FPR2: variants seen among roughly 807,000 people sequenced by gnomAD.
FPR2 encodes formyl peptide receptor 2.
Under a neutral mutation model 4.0 loss-of-function variants are expected in FPR2, and 3 were observed. The ratio of observed to expected loss-of-function variants is 0.74; its 90% CI spans 0.34 to 1.92. The LOEUF is 1.92. FPR2 is among the 30% of genes most tolerant of loss of function. The pLI, the probability that FPR2 is intolerant of heterozygous loss-of-function variation, is 0.07. For missense variants in FPR2, 372 were observed against 435.7 expected, an observed-to-expected ratio of 0.85 and a Z score of 1.30; for synonymous variants, 179 against 171.5, an observed-to-expected ratio of 1.04 and a Z score of -0.34.
At chr19:51,767,111 T>G (rs2083872540) in intron 1 of FPR2, among the ~76,000 whole-genome samples, 3 of 152,334 alleles carry the variant, frequency 2.0e-5, no homozygotes, top group Non-Finnish European at 1.5e-5. Context: ...GGCCCCAGTG[T>G]TCCCCTCTTT....
chr19:51,767,907 A>G (rs375285023), intron 1 of FPR2, among the ~76,000 whole-genome samples: 1 of 152,170 alleles, frequency 6.6e-6, no homozygotes, highest in Non-Finnish European at 1.5e-5. Context: ...TTATTCTTAT[A>G]GTCTTTATCC....
chr19:51,768,958 A>C lies in FPR2; in HGVS notation c.300A>C (p.Leu100Phe). The change falls in exon 2 of 2, where the codon TTA becomes TTC. Residue 100 changes from leucine (L) to phenylalanine (F), a missense_variant. By Grantham distance (22) the Leu-to-Phe change is conservative. Coordinates refer to ENST00000340023, the MANE Select transcript of FPR2 (RefSeq NM_001005738.2). ...KWPFGWFLCK[L>F]IHIVVDINLF... ...CTTTTGGCTGGTTCCTGTGTAAGTTAATTCACATCGTGGTGGACATCAACC... is the reference window on the plus strand; with the variant it reads ...CTTTTGGCTGGTTCCTGTGTAAGTTCATTCACATCGTGGTGGACATCAACC... 6.2e-7 allele frequency: 1 copy of C among 1,614,116 alleles called. No individual in the cohort carries two copies. The highest frequency in any genetic ancestry group is 1.1e-5 in the South Asian group (1 of 91,076).
chr19:51,768,558 C>T (rs75508500), intron 1 of FPR2, 87 bp from the exon 2 acceptor site: 1 of 1,069,792 alleles, frequency 9.3e-7, no homozygotes, highest in Non-Finnish European at 1.3e-6. Context: ...GGAGTGGGAG[C>T]TTTAGTGGAA....
intron 1 of FPR2, among the ~76,000 whole-genome samples, chr19:51,767,215 G>T (rs2083873070): frequency 6.6e-6 from 1 of 152,132 alleles, no homozygotes; most frequent in South Asian, 2.1e-4. Context: ...TAAGGATAAT[G>T]AATACAATTT....
Position 51,769,613 on chromosome 19 carries a change from A to G in FPR2, c.955A>G (p.Thr319Ala). The G allele has an allele frequency of 6.2e-7, 1 of 1,614,112 alleles. No homozygotes were observed. Among genetic ancestry groups the G allele is most frequent in the Non-Finnish European group, 8.5e-7 (1 of 1,180,004 alleles). The change falls in exon 2 of 2, where the codon ACC (threonine) becomes GCC (alanine). Residue 319 changes from threonine to alanine, a missense_variant. By Grantham distance (58) the Thr-to-Ala change is moderately conservative. Coordinates refer to ENST00000340023, the MANE Select transcript of FPR2 (RefSeq NM_001005738.2). This position sits in a 1 kb window ranked among gnomAD's most constrained non-coding sequence, Gnocchi z 4.4. ...AGAGAGACTGATCCACTCCCTGCCCACCAGTCTGGAGAGGGCCCTGTCTGA... is the reference window on the plus strand; with the variant it reads ...AGAGAGACTGATCCACTCCCTGCCCGCCAGTCTGGAGAGGGCCCTGTCTGA... ...FRERLIHSLP[T>A]SLERALSEDS...
intron 1 of FPR2, among the ~76,000 whole-genome samples, chr19:51,766,073 C>T (rs1212527915): frequency 6.6e-6 from 1 of 152,184 alleles, no homozygotes; most frequent in South Asian, 2.1e-4. Flanking sequence ...GTGCATGCCA[C>T]CAGGCCCGGC....
intron 1 of FPR2, among the ~76,000 whole-genome samples, chr19:51,766,905 A>G (rs896209125): frequency 5.3e-5 from 8 of 152,254 alleles, no homozygotes; most frequent in African/African-American, 1.9e-4. Context: ...TACAGATTCT[A>G]GAATGAGATT....
rs1314818160 is a variant in FPR2 at position 51,768,707 on chromosome 19, T to C, written c.49T>C (p.Tyr17His). The stretch of plus-strand genomic sequence containing the variant: ...TCTGAATGAATATGAAGAAGTGTCC[T>C]ATGAGTCTGCTGGCTACACTGTTCT... ...TPLNEYEEVS[Y>H]ESAGYTVLRI... Residue 17 changes from tyrosine (Y) to histidine (H), a missense_variant, in exon 2 of 2, where the codon TAT becomes CAT. By Grantham distance (83) the Tyr-to-His change is moderately conservative (BLOSUM62 2). Coordinates refer to ENST00000340023, the MANE Select transcript of FPR2 (RefSeq NM_001005738.2). 6.2e-7 allele frequency: 1 copy of C among 1,613,936 alleles called. No homozygotes were observed. The highest frequency in any genetic ancestry group is 2.2e-5 in the East Asian group (1 of 44,872).
At chr19:51,768,463 C>T (rs2083879718) in intron 1 of FPR2, 182 bp from the exon 2 acceptor site, 1 of 586,058 alleles carries the variant, frequency 1.7e-6, no homozygotes, top group Non-Finnish European at 3.0e-6. Context: ...GAGGACTATC[C>T]CTTCCCAAAG....
intron 1 of FPR2, chr19:51,763,131 T>C (rs935579338): frequency 6.6e-6 from 1 of 152,090 alleles, no homozygotes; most frequent in Non-Finnish European, 1.5e-5. Flanking sequence ...ATAGTTTAGA[T>C]GAAAAGAGAG....
chr19:51,764,973 C>T (rs906129716), intron 1 of FPR2, among the ~76,000 whole-genome samples: 1 of 152,054 alleles, frequency 6.6e-6, no homozygotes, highest in Non-Finnish European at 1.5e-5. Context: ...ATTACAGGCA[C>T]CCACCACCAT....
chr19:51,763,753 TTTG>T (rs1376523972), intron 1 of FPR2, among the ~76,000 whole-genome samples: 4 of 152,054 alleles, frequency 2.6e-5, no homozygotes, highest in African/African-American at 9.7e-5. Context: ...TTTGTTTAGT[TTTG>T]TTGTTGTTTG....
Position 51,769,483 on chromosome 19 carries a change from C to T in FPR2, c.825C>T (p.Gly275=). 6.2e-7 allele frequency: 1 copy of T among 1,614,184 alleles called. No individual in the cohort carries two copies. The highest frequency in any genetic ancestry group is 8.5e-7 in the Non-Finnish European group (1 of 1,180,024). ...GGCTCAAAGAGATGTTGTTCTATGG[C>T]AAGTACAAAATCATTGACATCCTGG... ...TVWLKEMLFY[G]KYKIIDILVN... is the part of the protein sequence containing the mutation. The change falls in exon 2 of 2, where the codon GGC becomes GGT. Residue 275 remains glycine (G), a synonymous_variant. Coordinates refer to ENST00000340023, the MANE Select transcript of FPR2 (RefSeq NM_001005738.2). The surrounding 1 kb of genome is among the most constrained non-coding windows in gnomAD (Gnocchi z 4.4).
At chr19:51,766,039 C>T (rs2083866531) in intron 1 of FPR2, among the ~76,000 whole-genome samples, 1 of 152,208 alleles carries the variant, frequency 6.6e-6, no homozygotes, top group Admixed American at 6.5e-5. Flanking sequence ...CCTGCCTCAG[C>T]CTCCCGAGTA....
chr19:51,764,177 A>C (rs984415244), intron 1 of FPR2, among the ~76,000 whole-genome samples: 2 of 152,204 alleles, frequency 1.3e-5, no homozygotes, highest in African/African-American at 4.8e-5. Flanking sequence ...ATGGAAGGAC[A>C]AATGCAGGGG....
At chr19:51,763,662 G>T (rs2122354387) in intron 1 of FPR2, 1 of 152,262 alleles carries the variant, frequency 6.6e-6, no homozygotes, top group African/African-American at 2.4e-5. Flanking sequence ...GGAGAAATAG[G>T]GTTAACACCA....
intron 1 of FPR2, among the ~76,000 whole-genome samples, chr19:51,761,883 C>G (rs973057308): frequency 6.6e-6 from 1 of 151,990 alleles, no homozygotes; most frequent in African/African-American, 2.4e-5. Flanking sequence ...GCAGAAGCCC[C>G]GAGATGACAA....
intron 1 of FPR2, among the ~76,000 whole-genome samples, chr19:51,768,103 C>G (rs2083877881): frequency 6.6e-6 from 1 of 152,164 alleles, no homozygotes; most frequent in Non-Finnish European, 1.5e-5. Context: ...AGTGACTCCT[C>G]AAAATTCTCT....
chr19:51,767,455 C>T (rs1262004740), intron 1 of FPR2, among the ~76,000 whole-genome samples: 1 of 152,184 alleles, frequency 6.6e-6, no homozygotes, highest in Non-Finnish European at 1.5e-5. Context: ...TGTTATTGTC[C>T]ACAATTTAGT....
Sources: gnomAD v4.1 joint callset for allele counts (sites outside exome capture counted in the v4.1 genomes callset) on GRCh38, gnomAD v4.1.1 for gene constraint, Gnocchi (gnomAD v3.1) non-coding constraint, MANE v1.5 for transcripts, NCBI Gene and HGNC (gene_info 2026-07-23, HGNC 2026-07-21) for gene names.